PPP1R13B: variants seen among roughly 807,000 people sequenced by gnomAD.
The protein encoded by PPP1R13B is protein phosphatase 1 regulatory subunit 13B, also known as apoptosis-stimulating of p53 protein 1.
A neutral mutation model predicts 119.8 loss-of-function variants in PPP1R13B; 44 were observed. The ratio of observed to expected loss-of-function variants is 0.37; its 90% CI spans 0.29 to 0.47. The LOEUF is 0.47. PPP1R13B is among the 20% of genes least tolerant of loss of function. The pLI, the probability that PPP1R13B is intolerant of heterozygous loss-of-function variation, is 0.99. For synonymous variants in PPP1R13B, 542 were observed against 561.5 expected (o/e 0.97, Z 0.49); for missense variants, 1,227 against 1,413.5 (o/e 0.87, Z 2.12).
intron 1 of PPP1R13B, among the ~76,000 whole-genome samples, chr14:103,822,605 A>G (rs982057245): frequency 6.6e-6 from 1 of 151,996 alleles, no homozygotes. Context: ...CAAGGTCAGG[A>G]GTTCAAGACC....
chr14:103,764,692 T>A (rs1392878266), intron 4 of PPP1R13B, among the ~76,000 whole-genome samples: 1 of 152,250 alleles, frequency 6.6e-6, no homozygotes, highest in Non-Finnish European at 1.5e-5. Context: ...TTCAGGGTTT[T>A]TTTTTCATTT....
intron 1 of PPP1R13B, among the ~76,000 whole-genome samples, chr14:103,840,356 T>C (rs979034041): frequency 6.6e-6 from 1 of 152,236 alleles, no homozygotes. Context: ...ATATTTTAAG[T>C]TCTTATTTTG....
chr14:103,795,313 G>C (rs2085732999), intron 2 of PPP1R13B, among the ~76,000 whole-genome samples: 1 of 152,162 alleles, frequency 6.6e-6, no homozygotes. Flanking sequence ...TCACGGAAGG[G>C]ATGAGAGGCA....
intron 2 of PPP1R13B, among the ~76,000 whole-genome samples, chr14:103,796,786 G>A (rs1326236707): frequency 1.3e-5 from 2 of 152,010 alleles, no homozygotes; most frequent in East Asian, 1.9e-4. Context: ...GTGAAACCCC[G>A]ATTCTACTAA....
intron 1 of PPP1R13B, among the ~76,000 whole-genome samples, chr14:103,805,176 C>T (rs988421923): frequency 1.3e-5 from 2 of 152,116 alleles, no homozygotes; most frequent in African/African-American, 2.4e-5. Flanking sequence ...TGGCCCCCAG[C>T]AATTCCACTC....
intron 1 of PPP1R13B, among the ~76,000 whole-genome samples, chr14:103,802,933 T>C (rs2085935208): frequency 6.6e-6 from 1 of 152,224 alleles, no homozygotes; most frequent in African/African-American, 2.4e-5. Context: ...AAATTCATTT[T>C]CCCTAATCTC....
chr14:103,835,696 C>T (rs1595842912), intron 1 of PPP1R13B, among the ~76,000 whole-genome samples: 2 of 151,592 alleles, frequency 1.3e-5, no homozygotes, highest in South Asian at 4.2e-4. Context: ...GCAAGCTCCG[C>T]CTCCTGGGTT....
chr14:103,753,691 G>A (rs577217901), intron 6 of PPP1R13B, among the ~76,000 whole-genome samples: 2 of 152,286 alleles, frequency 1.3e-5, no homozygotes, highest in African/African-American at 4.8e-5. Context: ...AATCCAAAGG[G>A]CCGCTGGTAC....
chr14:103,756,310 G>A (rs1488327191), intron 5 of PPP1R13B, among the ~76,000 whole-genome samples: 2 of 151,986 alleles, frequency 1.3e-5, no homozygotes, highest in Non-Finnish European at 2.9e-5. Flanking sequence ...GGCTGGTCTC[G>A]AACTCCTGAC....
intron 4 of PPP1R13B, among the ~76,000 whole-genome samples, chr14:103,769,114 C>A (rs1412017120): frequency 1.3e-5 from 2 of 152,150 alleles, no homozygotes; most frequent in African/African-American, 4.8e-5. Flanking sequence ...GAGATGGAGT[C>A]TCGCTCTGTC....
chr14:103,773,382 C>T (rs746549163), intron 4 of PPP1R13B, among the ~76,000 whole-genome samples: 1 of 152,264 alleles, frequency 6.6e-6, no homozygotes, highest in East Asian at 1.9e-4. Context: ...TGCCAATCCT[C>T]AGAATCAGTA....
rs778338882 is a variant in PPP1R13B at position 103,740,568 on chromosome 14, C to T, written c.1848G>A (p.Ser616=). Residue 616 remains serine, a synonymous_variant, in exon 12 of 17, where the codon TCG becomes TCA. Coordinates refer to ENST00000202556, the MANE Select transcript of PPP1R13B (RefSeq NM_015316.3). The surrounding 1 kb of genome is among the most constrained non-coding windows in gnomAD (Gnocchi z 4.6). ...GCAGCGGCGATGGAGAGGTTGAACC[C>T]GAAGGTAAAACGGGCTTACCATACA... is the stretch of plus-strand genomic sequence containing the variant. The part of the protein sequence containing the change: ...KAVYGKPVLP[S]GSTSPSPLPF... The T allele has an allele frequency of 2.6e-6, 4 of 1,539,044 alleles. No individual in the cohort carries two copies. Among genetic ancestry groups the T allele is most frequent in the Admixed American group, 2.0e-5 (1 of 50,602 alleles).
At chr14:103,811,410 C>G (rs1469906230) in intron 1 of PPP1R13B, among the ~76,000 whole-genome samples, 1 of 152,112 alleles carries the variant, frequency 6.6e-6, no homozygotes, top group Non-Finnish European at 1.5e-5. Context: ...CACCTATAAT[C>G]CCAGCACTTC....
chr14:103,842,885 GA>G (rs995015534), intron 1 of PPP1R13B, among the ~76,000 whole-genome samples: 4 of 151,968 alleles, frequency 2.6e-5, no homozygotes, highest in African/African-American at 9.7e-5. Flanking sequence ...GCTATGGTGG[GA>G]GAATTGCTTG....
intron 8 of PPP1R13B, 72 bp from the exon 9 acceptor site, chr14:103,746,625 C>A: frequency 7.7e-7 from 1 of 1,305,778 alleles, no homozygotes; most frequent in South Asian, 1.7e-5. Context: ...GTGCAAGAGA[C>A]TGCCAGCTCG....
At chr14:103,770,907 T>C (rs189108836) in intron 4 of PPP1R13B, among the ~76,000 whole-genome samples, 1 of 152,310 alleles carries the variant, frequency 6.6e-6, no homozygotes, top group Admixed American at 6.5e-5. Flanking sequence ...CTGAAGGTTT[T>C]TGCCCACCTG....
chr14:103,822,387 G>A (rs1334066035), intron 1 of PPP1R13B, among the ~76,000 whole-genome samples: 1 of 152,000 alleles, frequency 6.6e-6, no homozygotes, highest in Non-Finnish European at 1.5e-5. Context: ...TGCCCTTCTT[G>A]GCCTCCCAAA....
At chr14:103,737,890 C>T (rs2084153556) in intron 14 of PPP1R13B, 30 bp from the exon 15 acceptor site, 1 of 1,600,132 alleles carries the variant, frequency 6.2e-7, no homozygotes, top group Non-Finnish European at 8.5e-7. Context: ...AAGGTGCAGG[C>T]CTGGCACTGC....
chr14:103,777,801 A>T (rs1178100434), intron 4 of PPP1R13B, among the ~76,000 whole-genome samples: 3 of 30,468 alleles, frequency 9.8e-5, no homozygotes, highest in South Asian at 6.5e-4. Context: ...AAAAGCAATT[A>T]AAAAAAAAAA....
Sources: gnomAD v4.1 joint callset for allele counts (sites outside exome capture counted in the v4.1 genomes callset) on GRCh38, gnomAD v4.1.1 for gene constraint, Gnocchi (gnomAD v3.1) non-coding constraint, MANE v1.5 for transcripts, NCBI Gene and HGNC (gene_info 2026-07-23, HGNC 2026-07-21) for gene names.